CERS3: variants seen among roughly 807,000 people sequenced by gnomAD.
The protein encoded by CERS3 is LAG1 homolog, ceramide synthase 3.
Under a neutral mutation model 50.3 loss-of-function variants are expected in CERS3, and 33 were observed. That is an observed-to-expected ratio of 0.66 (90% CI 0.50 to 0.88). The LOEUF is 0.88. Ranked by LOEUF, CERS3 falls within the 40% of genes least tolerant of loss-of-function variation. The pLI is 0.00. For synonymous variants in CERS3, 176 were observed against 155.2 expected, an observed-to-expected ratio of 1.13 and a Z score of -0.99; for missense variants, 470 against 460.3, an observed-to-expected ratio of 1.02 and a Z score of -0.19.
At chr15:100,478,897 A>G (rs1023375270) in intron 7 of CERS3, among the ~76,000 whole-genome samples, 1 of 152,180 alleles carries the variant, frequency 6.6e-6, no homozygotes, top group African/African-American at 2.4e-5. Context: ...TTTACAGAAC[A>G]ATAATAGCAA....
chr15:100,464,480 G>A (rs72757299), intron 10 of CERS3, among the ~76,000 whole-genome samples: 18,250 of 152,200 alleles, frequency 0.12, 1,278 homozygotes, highest in Admixed American at 0.22. Flanking sequence ...GAACTCACAG[G>A]TTGCAAAACC....
chr15:100,443,074 A>G (rs1360939839), intron 11 of CERS3, among the ~76,000 whole-genome samples: 2 of 152,006 alleles, frequency 1.3e-5, no homozygotes, highest in East Asian at 1.9e-4. Context: ...TAACTAAATT[A>G]TCTGCTTCCC....
intron 1 of CERS3, among the ~76,000 whole-genome samples, chr15:100,534,067 C>G (rs1315133307): frequency 6.6e-6 from 1 of 152,206 alleles, no homozygotes; most frequent in East Asian, 1.9e-4. Context: ...ACCATGTGAG[C>G]AGGCTCTCAA....
chr15:100,522,694 C>T (rs777742626), intron 1 of CERS3, among the ~76,000 whole-genome samples: 9 of 152,302 alleles, frequency 5.9e-5, no homozygotes, highest in Non-Finnish European at 7.3e-5. Flanking sequence ...CACTATATCA[C>T]GATCTGTGTT....
At chr15:100,506,912 A>C (rs1417524961) in intron 2 of CERS3, among the ~76,000 whole-genome samples, 1 of 152,226 alleles carries the variant, frequency 6.6e-6, no homozygotes, top group Non-Finnish European at 1.5e-5. Context: ...CATTTTGCAC[A>C]CGTTAAATGG....
intron 1 of CERS3, among the ~76,000 whole-genome samples, chr15:100,534,011 T>C (rs1484191586): frequency 1.3e-5 from 2 of 152,210 alleles, no homozygotes; most frequent in Non-Finnish European, 2.9e-5. Context: ...TTAATTAGCA[T>C]GTACTCTGGG....
intron 11 of CERS3, among the ~76,000 whole-genome samples, chr15:100,428,516 G>A (rs780508840): frequency 6.6e-5 from 10 of 152,228 alleles, no homozygotes; most frequent in South Asian, 2.1e-4. Context: ...ATTGTGGGAC[G>A]TCTAGCAGTA....
chr15:100,491,364 G>A (rs1338707255), intron 3 of CERS3, among the ~76,000 whole-genome samples: 6 of 152,068 alleles, frequency 3.9e-5, no homozygotes, highest in Non-Finnish European at 5.9e-5. Flanking sequence ...GGGCAAATAC[G>A]TAATAATAGG....
rs2030522233 is a variant in CERS3, at chr15:100,401,434, C to T, written c.*1279G>A. On this transcript the variant is annotated 3_prime_UTR_variant, in exon 12 of 12. Transcript: ENST00000679737. ...TGCAAGTCTTCTCCGGTGCTCCCTT[C>T]CGGAGGGTGAGGACAAGCTGGCTAC... is the stretch of plus-strand genomic sequence containing the variant. 1 of 152,344 alleles carries T rather than the reference C, an allele frequency of 6.6e-6. No homozygotes were observed. Among genetic ancestry groups the T allele is most frequent in the Non-Finnish European group, 1.5e-5 (1 of 68,160 alleles). 9.4% of individuals were successfully genotyped at this position (152,344 alleles called of 1,614,324 possible).
intron 1 of CERS3, among the ~76,000 whole-genome samples, chr15:100,543,545 T>A (rs1340907608): frequency 6.6e-6 from 1 of 151,214 alleles, no homozygotes; most frequent in Non-Finnish European, 1.5e-5. Context: ...TTTTTTTTTT[T>A]TTATTAGAAG....
At chr15:100,418,063 G>A (rs560110761) in intron 11 of CERS3, among the ~76,000 whole-genome samples, 4 of 152,144 alleles carry the variant, frequency 2.6e-5, no homozygotes, top group South Asian at 2.1e-4. Flanking sequence ...CACCAGCAAC[G>A]GAACAAAGCT....
intron 2 of CERS3, among the ~76,000 whole-genome samples, chr15:100,506,383 C>T (rs1392299109): frequency 6.6e-6 from 1 of 152,076 alleles, no homozygotes; most frequent in Non-Finnish European, 1.5e-5. Context: ...AAGTCACACC[C>T]ATACCCAGAG....
intron 2 of CERS3, chr15:100,503,579 G>T: frequency 2.5e-6 from 1 of 398,630 alleles, no homozygotes; most frequent in Non-Finnish European, 5.3e-6. Context: ...TGAGCCCATA[G>T]GGTGTCTTTG....
At chr15:100,485,420 A>G (rs1188204292) in intron 4 of CERS3, among the ~76,000 whole-genome samples, 2 of 152,260 alleles carry the variant, frequency 1.3e-5, no homozygotes, top group African/African-American at 2.4e-5. Flanking sequence ...AAGCCAGACA[A>G]GAAACATAAA....
chr15:100,531,838 T>G (rs1044104956), upstream of CERS3, among the ~76,000 whole-genome samples: 1 of 152,248 alleles, frequency 6.6e-6, no homozygotes. Context: ...CTTATTAGCA[T>G]GTTAATGATT....
At chr15:100,438,179 G>C (rs1253861505) in intron 11 of CERS3, among the ~76,000 whole-genome samples, 1 of 151,248 alleles carries the variant, frequency 6.6e-6, no homozygotes, top group Non-Finnish European at 1.5e-5. Context: ...CAAGTGGCTG[G>C]GGTTACAGGC....
upstream of CERS3, among the ~76,000 whole-genome samples, chr15:100,532,700 A>G (rs532783535): frequency 6.6e-6 from 1 of 152,312 alleles, no homozygotes; most frequent in South Asian, 2.1e-4. Context: ...TCAAGGTTGC[A>G]GTGAGCTGTA....
intron 11 of CERS3, among the ~76,000 whole-genome samples, chr15:100,406,578 G>A (rs530291965): frequency 2.1e-4 from 32 of 152,152 alleles, no homozygotes; most frequent in Non-Finnish European, 4.1e-4. Flanking sequence ...AAGCCTCCTT[G>A]TAAACACTGA....
chr15:100,417,405 A>C, intron 11 of CERS3, among the ~76,000 whole-genome samples: 1 of 152,002 alleles, frequency 6.6e-6, no homozygotes, highest in Non-Finnish European at 1.5e-5. Context: ...ACGAGATTAT[A>C]TCCCACACCT....
Sources: allele counts gnomAD v4.1 joint callset (sites outside exome capture counted in the v4.1 genomes callset), GRCh38; gene constraint gnomAD v4.1.1; transcripts MANE v1.5; gene names NCBI Gene and HGNC (gene_info 2026-07-23, HGNC 2026-07-21).